ANKS3: variants seen among roughly 807,000 people sequenced by gnomAD.
ANKS3 encodes the protein ankyrin repeat and sterile alpha motif domain containing 3, also known as ankyrin repeat and SAM domain-containing protein 3.
Under a neutral mutation model 80.7 loss-of-function variants are expected in ANKS3, and 62 were observed. That is an observed-to-expected ratio of 0.77 (90% CI 0.63 to 0.95). ANKS3 has a LOEUF of 0.95. Among genes scored for constraint, ANKS3 ranks in the 40% least tolerant of loss-of-function variants. The probability of loss-of-function intolerance (pLI) is 0.00; values close to 1 mark genes in which losing one functional copy is unlikely to be tolerated. For synonymous variants in ANKS3, 489 were observed against 355.3 expected (o/e 1.38, Z -4.23); for missense variants, 1,150 against 883.6 (o/e 1.30, Z -3.82).
At chr16:4,712,163 G>A (rs1425637063) in intron 7 of ANKS3, among the ~76,000 whole-genome samples, 1 of 152,150 alleles carries the variant, frequency 6.6e-6, no homozygotes, top group Non-Finnish European at 1.5e-5. Flanking sequence ...TGGAGATCAG[G>A]AGTTCGAGAC....
intron 3 of ANKS3, among the ~76,000 whole-genome samples, chr16:4,728,517 C>T (rs1355189026): frequency 1.3e-5 from 2 of 152,120 alleles, no homozygotes; most frequent in Admixed American, 6.6e-5. Flanking sequence ...GGCTCGAATG[C>T]ACCCAGCTCG....
At chr16:4,701,804 C>T (rs1395729593) in intron 9 of ANKS3, 6 of 502,826 alleles carry the variant, frequency 1.2e-5, no homozygotes, top group Middle Eastern at 5.6e-4. Flanking sequence ...ACAGCTGCTG[C>T]ACGGAGGTGC....
intron 7 of ANKS3, among the ~76,000 whole-genome samples, chr16:4,705,976 G>C (rs1048429194): frequency 6.7e-6 from 1 of 149,546 alleles, no homozygotes; most frequent in Non-Finnish European, 1.5e-5. Flanking sequence ...GCCCAGGCTG[G>C]AACTTCCGCC....
intron 6 of ANKS3, among the ~76,000 whole-genome samples, chr16:4,716,083 C>T (rs1212081764): frequency 2.0e-5 from 3 of 152,046 alleles, no homozygotes; most frequent in South Asian, 2.1e-4. Flanking sequence ...CACAGCCAGG[C>T]GCCGTGGCTC....
intron 7 of ANKS3, among the ~76,000 whole-genome samples, chr16:4,711,717 TCAAA>T (rs2080495470): frequency 9.7e-6 from 1 of 102,830 alleles, no homozygotes; most frequent in African/African-American, 3.7e-5. Flanking sequence ...AAACTCTGTC[TCAAA>T]AAAAAAAAAA....
chr16:4,715,421 A>C (rs944027415), intron 6 of ANKS3, among the ~76,000 whole-genome samples: 2 of 152,144 alleles, frequency 1.3e-5, no homozygotes, highest in African/African-American at 4.8e-5. Context: ...GGGACCCCGG[A>C]AAGGGGGAGC....
At position 4,702,055 on chromosome 16, in the gene ANKS3, C is replaced by G. The variant is rs766507738; in HGVS notation, c.1009+47G>C. 3.9e-6 allele frequency: 6 copies of G among 1,531,100 alleles called. No homozygotes were observed. In the South Asian group the frequency reaches 4.9e-5, roughly 12 times the overall value. 94.8% of individuals were successfully genotyped at this position (1,531,100 alleles called of 1,614,324 possible). A position where few individuals can be genotyped will look rare whatever the true frequency, so the allele number is the denominator to read the frequency against. ...AAGTGGGGATGGGCACACAGGAGCT[C>G]CAGGACCTGCCTGAGCCACGGGCCG... is the stretch of plus-strand genomic sequence containing the variant. On this transcript the variant is annotated intron_variant, in intron 9 of 17. Coordinates refer to ENST00000304283, the MANE Select transcript of ANKS3 (RefSeq NM_133450.4).
chr16:4,718,673 G>C (rs991259681), intron 6 of ANKS3, among the ~76,000 whole-genome samples: 22 of 152,326 alleles, frequency 1.4e-4, no homozygotes, highest in Admixed American at 1.2e-3. Context: ...GGAGCTTCCA[G>C]GCAGGGCTTG....
chr16:4,697,473 G>A (rs1228651251), intron 15 of ANKS3, 57 bp from the exon 16 acceptor site: 20 of 1,388,444 alleles, frequency 1.4e-5, no homozygotes, highest in Non-Finnish European at 1.8e-5. Flanking sequence ...CACAGGCCCT[G>A]CTTTATTCTG....
At chr16:4,721,666 T>C (rs2081107938) in intron 6 of ANKS3, among the ~76,000 whole-genome samples, 1 of 146,638 alleles carries the variant, frequency 6.8e-6, no homozygotes, top group South Asian at 2.2e-4. Flanking sequence ...TTAGAGATAG[T>C]CTCACTCTGT....
chr16:4,705,517 A>G lies in ANKS3; in HGVS notation c.710-264T>C, dbSNP rs1199183600. ...ACTCTGTCCCCCGAGCTGAAGTGTA[A>G]TGGCATGATCTTGGCTCACTCACTG... On this transcript the variant is annotated intron_variant, in intron 7 of 17. Transcript: ENST00000304283. 2.6e-5 allele frequency among the ~76,000 whole-genome samples: 4 copies of G among 152,280 alleles called. No individual in the cohort carries two copies. In the East Asian group the frequency reaches 7.7e-4, roughly 29 times the overall value.
chr16:4,712,527 T>A (rs1341477961), intron 7 of ANKS3, among the ~76,000 whole-genome samples: 1 of 152,134 alleles, frequency 6.6e-6, no homozygotes. Context: ...AATGTAAGGT[T>A]GATTCATTAT....
Position 4,705,197 on chromosome 16 carries a change from T to A in ANKS3, c.766A>T (p.Arg256Trp). The A allele has an allele frequency of 6.2e-7, 1 of 1,614,040 alleles. No homozygotes were observed. Among genetic ancestry groups the A allele is most frequent in the Non-Finnish European group, 8.5e-7 (1 of 1,180,042 alleles). Residue 256 changes from arginine (R) to tryptophan (W), a missense_variant, in exon 8 of 18, where the codon AGG becomes TGG. Physicochemically the swap from Arg to Trp is moderately radical, Grantham distance 101. Coordinates refer to ENST00000304283, the MANE Select transcript of ANKS3 (RefSeq NM_133450.4). ...DESCPAPQRQ[R>W]PCRKKGVSIH... ...CTGACACCCTTCTTCCGGCAAGGCC[T>A]CTGTCTCTGAGGAGCAGGGCAGGAC...
Position 4,698,960 on chromosome 16 carries a change from C to A in ANKS3, c.1410-19G>T, listed in dbSNP as rs2079746800. 4 of 1,607,822 alleles carry A rather than the reference C, an allele frequency of 2.5e-6. No individual in the cohort carries two copies. The highest frequency in any genetic ancestry group is 3.4e-6 in the Non-Finnish European group (4 of 1,175,828). Reference sequence around the variant, plus strand: ...AAACAGCCTGCGGGGGGAATGTGACCAGGATATGCCTCAGCGTCCCAAGAG... The same window carrying A: ...AAACAGCCTGCGGGGGGAATGTGACAAGGATATGCCTCAGCGTCCCAAGAG... On this transcript the variant is annotated intron_variant, in intron 12 of 17. Transcript: ENST00000304283.
chr16:4,698,390 C>T, intron 14 of ANKS3, 37 bp downstream of exon 14: 1 of 1,451,456 alleles, frequency 6.9e-7, no homozygotes, highest in South Asian at 1.4e-5. Context: ...TGGCTGACCA[C>T]TGGAGACCCA....
At chr16:4,725,036 G>C in intron 5 of ANKS3, 1 of 452,528 alleles carries the variant, frequency 2.2e-6, no homozygotes. Flanking sequence ...CTGTCCCCAG[G>C]GCTGGTCTTT....
chr16:4,708,985 G>A (rs1370066582), intron 7 of ANKS3, among the ~76,000 whole-genome samples: 1 of 151,934 alleles, frequency 6.6e-6, no homozygotes, highest in Non-Finnish European at 1.5e-5. Flanking sequence ...AAGAAGTGAG[G>A]CCGGGCGCAG....
intron 8 of ANKS3, among the ~76,000 whole-genome samples, chr16:4,704,641 G>A (rs917526729): frequency 6.6e-6 from 1 of 152,200 alleles, no homozygotes; most frequent in Non-Finnish European, 1.5e-5. Context: ...GAGGGTCTGA[G>A]TACAACTTCA....
chr16:4,697,233 T>G, intron 16 of ANKS3, 100 bp downstream of exon 16: 1 of 1,532,362 alleles, frequency 6.5e-7, no homozygotes, highest in Non-Finnish European at 9.0e-7. Flanking sequence ...AGGTCAGCCT[T>G]GGGGTAGAGA....
Sources: allele counts gnomAD v4.1 joint callset (sites outside exome capture counted in the v4.1 genomes callset), GRCh38; gene constraint gnomAD v4.1.1; transcripts MANE v1.5; gene names NCBI Gene and HGNC (gene_info 2026-07-23, HGNC 2026-07-21).